Variants in ATG5 observed in about 807,000 individuals in gnomAD.
ATG5 encodes autophagy protein 5.
A neutral mutation model predicts 36.5 loss-of-function variants in ATG5; 14 were observed. The observed-to-expected ratio is 0.38, with a 90% CI of 0.25 to 0.60. The LOEUF (loss-of-function observed/expected upper bound fraction) is 0.60, where lower values mean the gene tolerates loss of function less well. Among genes scored for constraint, ATG5 ranks in the 20% least tolerant of loss-of-function variants. The pLI is 0.60. For missense variants in ATG5, 195 were observed against 326.7 expected, an observed-to-expected ratio of 0.60 and a Z score of 3.11; for synonymous variants, 95 against 101.5, an observed-to-expected ratio of 0.94 and a Z score of 0.38.
chr6:106,202,589 G>T (rs1776472492), intron 6 of ATG5, among the ~76,000 whole-genome samples: 1 of 152,138 alleles, frequency 6.6e-6, no homozygotes, highest in Admixed American at 6.5e-5. Flanking sequence ...GTACAATAAG[G>T]ACAATCCTTA....
chr6:106,295,842 G>C (rs1434706078), intron 3 of ATG5, among the ~76,000 whole-genome samples: 1 of 152,102 alleles, frequency 6.6e-6, no homozygotes, highest in Non-Finnish European at 1.5e-5. Flanking sequence ...GAGATTATAG[G>C]CATGAGCCAC....
At chr6:106,322,267 C>T (rs1348342207) in intron 1 of ATG5, among the ~76,000 whole-genome samples, 1 of 152,140 alleles carries the variant, frequency 6.6e-6, no homozygotes, top group Non-Finnish European at 1.5e-5. Context: ...GGTGTGACAA[C>T]AATATAATGC....
chr6:106,236,273 T>A (rs1392076341), intron 6 of ATG5, among the ~76,000 whole-genome samples: 2 of 152,240 alleles, frequency 1.3e-5, no homozygotes, highest in South Asian at 2.1e-4. Context: ...TGATGGATAT[T>A]ATGAATAATT....
In ATG5 at chr6:106,186,377, G is replaced by T; in HGVS notation, c.*163C>A. 1.3e-6 allele frequency: 1 copy of T among 741,540 alleles called. No individual in the cohort carries two copies. The allele number at this position is 741,540 out of a possible 1,614,324, so 45.9% of individuals were successfully genotyped here. A position where few individuals can be genotyped will look rare whatever the true frequency, so the allele number is the denominator to read the frequency against. On this transcript the variant is annotated 3_prime_UTR_variant, in exon 8 of 8. Transcript: ENST00000369076. ...GCAGAGGTGATGCAAAGTAAGACCAGCCCAGTTGCCTTATCTGACATGGAA... is the reference window on the plus strand; with the variant it reads ...GCAGAGGTGATGCAAAGTAAGACCATCCCAGTTGCCTTATCTGACATGGAA...
intron 5 of ATG5, among the ~76,000 whole-genome samples, chr6:106,249,898 C>T (rs1335712193): frequency 1.3e-5 from 2 of 152,206 alleles, no homozygotes; most frequent in East Asian, 3.8e-4. Flanking sequence ...GCCATTTGTG[C>T]ATCTTTGCAG....
intron 2 of ATG5, among the ~76,000 whole-genome samples, chr6:106,313,268 CTATCA>C (rs956850315): frequency 6.6e-6 from 1 of 152,166 alleles, no homozygotes; most frequent in African/African-American, 2.4e-5. Flanking sequence ...CCTATCACAC[CTATCA>C]TATCATTTCT....
In ATG5 at chr6:106,231,207, C is replaced by T. The variant is rs549006239; in HGVS notation, c.573+16943G>A. ...AAATTAAAATAGACCTAGGTAAATT[C>T]TCAGATAACCCTAATGGCTATATTG... On this transcript the variant is annotated intron_variant, in intron 6 of 7. Coordinates refer to ENST00000369076, the MANE Select transcript of ATG5 (RefSeq NM_004849.4). Among the ~76,000 whole-genome samples, 6 of 152,294 alleles carry T rather than the reference C, an allele frequency of 3.9e-5. No individual in the cohort carries two copies. The South Asian group carries it at 1.0e-3, about 26-fold the overall frequency.
chr6:106,227,756 A>G (rs1777502528), intron 6 of ATG5, among the ~76,000 whole-genome samples: 1 of 152,254 alleles, frequency 6.6e-6, no homozygotes, highest in South Asian at 2.1e-4. Flanking sequence ...ATAACTACAC[A>G]TAATACTGTA....
chr6:106,252,847 A>G (rs1273724145), intron 5 of ATG5, among the ~76,000 whole-genome samples: 1 of 152,218 alleles, frequency 6.6e-6, no homozygotes, highest in Non-Finnish European at 1.5e-5. Context: ...GAGTTACAGC[A>G]TTTCAAATAA....
At chr6:106,274,526 C>T (rs1185699420) in intron 5 of ATG5, among the ~76,000 whole-genome samples, 1 of 152,024 alleles carries the variant, frequency 6.6e-6, no homozygotes, top group Non-Finnish European at 1.5e-5. Context: ...AATAAATGTG[C>T]CATCTATTAT....
intron 6 of ATG5, among the ~76,000 whole-genome samples, chr6:106,243,812 C>A (rs988246654): frequency 6.8e-6 from 1 of 147,912 alleles, no homozygotes; most frequent in Non-Finnish European, 1.5e-5. Flanking sequence ...GCCTGGGCGA[C>A]AGAGCAAGAC....
intron 5 of ATG5, among the ~76,000 whole-genome samples, chr6:106,268,480 G>A (rs1582633405): frequency 6.6e-6 from 1 of 152,230 alleles, no homozygotes; most frequent in East Asian, 1.9e-4. Flanking sequence ...ATTCCTCAAG[G>A]ATCTACAGCC....
chr6:106,274,483 G>C (rs527315956), intron 5 of ATG5, among the ~76,000 whole-genome samples: 1 of 152,132 alleles, frequency 6.6e-6, no homozygotes, highest in African/African-American at 2.4e-5. Flanking sequence ...CTGTTGTTTA[G>C]CTGTTATAAT....
intron 4 of ATG5, among the ~76,000 whole-genome samples, chr6:106,287,849 T>G (rs1257037438): frequency 3.3e-5 from 5 of 152,248 alleles, no homozygotes; most frequent in African/African-American, 9.6e-5. Context: ...AATGTCGCTT[T>G]GCAAGCAGCA....
chr6:106,272,135 A>G (rs1037115647), intron 5 of ATG5, among the ~76,000 whole-genome samples: 4 of 152,202 alleles, frequency 2.6e-5, no homozygotes, highest in African/African-American at 9.7e-5. Flanking sequence ...CACATAATAC[A>G]TATCACCACT....
intron 3 of ATG5, 91 bp downstream of exon 3, chr6:106,308,273 G>A (rs1330603198): frequency 6.9e-5 from 79 of 1,142,360 alleles, no homozygotes; most frequent in Non-Finnish European, 8.5e-5. Flanking sequence ...TTCTATCCTC[G>A]CAGGACTTTT....
At chr6:106,321,439 A>G (rs1771065049) in intron 1 of ATG5, among the ~76,000 whole-genome samples, 1 of 152,044 alleles carries the variant, frequency 6.6e-6, no homozygotes, top group African/African-American at 2.4e-5. Context: ...GCTCACTGCA[A>G]GCTCCGTCTC....
chr6:106,223,191 T>C (rs574660239), intron 6 of ATG5, among the ~76,000 whole-genome samples: 7 of 152,210 alleles, frequency 4.6e-5, no homozygotes, highest in Non-Finnish European at 5.9e-5. Context: ...TACATAACTT[T>C]TGCTCTCATC....
chr6:106,249,894 T>A (rs914061202), intron 5 of ATG5, among the ~76,000 whole-genome samples: 1 of 152,268 alleles, frequency 6.6e-6, no homozygotes, highest in Non-Finnish European at 1.5e-5. Context: ...AATGGCCATT[T>A]GTGCATCTTT....
Sources: allele counts gnomAD v4.1 joint callset (sites outside exome capture counted in the v4.1 genomes callset), GRCh38; gene constraint gnomAD v4.1.1; transcripts MANE v1.5; gene names NCBI Gene and HGNC (gene_info 2026-07-23, HGNC 2026-07-21).